MAGI1: variants seen among roughly 807,000 people sequenced by gnomAD.
MAGI1 encodes the protein membrane-associated guanylate kinase, WW and PDZ domain-containing protein 1.
A neutral mutation model predicts 139.9 loss-of-function variants in MAGI1; 58 were observed. That is an observed-to-expected ratio of 0.41 (90% CI 0.34 to 0.52). The LOEUF (loss-of-function observed/expected upper bound fraction) is 0.52, where lower values mean the gene tolerates loss of function less well. Among genes scored for constraint, MAGI1 ranks in the 20% least tolerant of loss-of-function variants. The pLI is 0.12. For synonymous variants in MAGI1, 812 were observed against 737.9 expected (o/e 1.10, Z -1.63); for missense variants, 1,874 against 1,901.6 (o/e 0.99, Z 0.27).
At chr3:65,672,649 C>T (rs1343851768) in intron 1 of MAGI1, among the ~76,000 whole-genome samples, 1 of 152,122 alleles carries the variant, frequency 6.6e-6, no homozygotes, top group African/African-American at 2.4e-5. Context: ...AGAAAATGTC[C>T]TGGATTATGA....
At chr3:65,967,516 G>T (rs1447205423) in intron 1 of MAGI1, among the ~76,000 whole-genome samples, 1 of 152,144 alleles carries the variant, frequency 6.6e-6, no homozygotes, top group Non-Finnish European at 1.5e-5. Flanking sequence ...GTTACAGGTT[G>T]CCCCAACTGG....
chr3:65,511,912 TCTC>T (rs1429658900), intron 2 of MAGI1, among the ~76,000 whole-genome samples: 2 of 112,186 alleles, frequency 1.8e-5, no homozygotes, highest in Non-Finnish European at 3.7e-5. Flanking sequence ...GAAGTAAAGC[TCTC>T]CTCAGCAAAT....
At chr3:65,653,181 C>T (rs1014162527) in intron 1 of MAGI1, among the ~76,000 whole-genome samples, 1 of 152,134 alleles carries the variant, frequency 6.6e-6, no homozygotes, top group South Asian at 2.1e-4. Flanking sequence ...CTTTGACTCC[C>T]TCCATCTTCC....
chr3:65,603,393 T>A (rs1183616822), intron 2 of MAGI1, among the ~76,000 whole-genome samples: 1 of 152,216 alleles, frequency 6.6e-6, no homozygotes, highest in African/African-American at 2.4e-5. Context: ...AAATTCACGA[T>A]GCTGCTTCCA....
intron 13 of MAGI1, among the ~76,000 whole-genome samples, chr3:65,394,585 A>G (rs1944231887): frequency 6.6e-6 from 1 of 152,156 alleles, no homozygotes. Flanking sequence ...CAATTATGAA[A>G]ACTCATTAAT....
At chr3:65,929,822 G>C (rs1576113234) in intron 1 of MAGI1, among the ~76,000 whole-genome samples, 1 of 152,130 alleles carries the variant, frequency 6.6e-6, no homozygotes, top group South Asian at 2.1e-4. Context: ...GTAAGAAGCT[G>C]AGTTACACCA....
intron 6 of MAGI1, among the ~76,000 whole-genome samples, chr3:65,448,697 T>TAC (rs10591133): frequency 2.0e-3 from 297 of 149,828 alleles, no homozygotes; most frequent in African/African-American, 6.0e-3. Context: ...AGAAAACACA[T>TAC]ACACACACAC....
At chr3:65,805,126 G>C (rs943006086) in intron 1 of MAGI1, among the ~76,000 whole-genome samples, 8 of 152,102 alleles carry the variant, frequency 5.3e-5, no homozygotes, top group African/African-American at 1.9e-4. Context: ...TACAACAAAA[G>C]AAACTATCAT....
At chr3:65,771,808 G>A (rs2037974939) in intron 1 of MAGI1, among the ~76,000 whole-genome samples, 1 of 152,230 alleles carries the variant, frequency 6.6e-6, no homozygotes, top group Admixed American at 6.5e-5. Context: ...AGCATGCTAT[G>A]AGAAGCAGGG....
At chr3:65,913,225 T>C (rs924892768) in intron 1 of MAGI1, among the ~76,000 whole-genome samples, 10 of 152,192 alleles carry the variant, frequency 6.6e-5, no homozygotes, top group South Asian at 4.2e-4. Flanking sequence ...GATTGTGCCA[T>C]TGAACTCCAG....
At chr3:65,987,186 C>A (rs1204963981) in intron 1 of MAGI1, among the ~76,000 whole-genome samples, 2 of 152,056 alleles carry the variant, frequency 1.3e-5, no homozygotes, top group Non-Finnish European at 2.9e-5. Flanking sequence ...GGATTTTAAG[C>A]CTACCTGTCA....
At chr3:65,802,170 A>G (rs1341987287) in intron 1 of MAGI1, among the ~76,000 whole-genome samples, 1 of 152,158 alleles carries the variant, frequency 6.6e-6, no homozygotes, top group African/African-American at 2.4e-5. Flanking sequence ...ATCTTCATTC[A>G]GTTAAAATTT....
intron 2 of MAGI1, among the ~76,000 whole-genome samples, chr3:65,541,691 G>A (rs1418032488): frequency 6.6e-6 from 1 of 152,090 alleles, no homozygotes; most frequent in African/African-American, 2.4e-5. Flanking sequence ...CTCAACAGCT[G>A]CAGAAAAGAC....
intron 1 of MAGI1, among the ~76,000 whole-genome samples, chr3:65,904,411 G>C (rs2061356570): frequency 6.6e-6 from 1 of 152,168 alleles, no homozygotes; most frequent in African/African-American, 2.4e-5. Context: ...CTTGGTTCCT[G>C]CTAAAACCCC....
intron 1 of MAGI1, among the ~76,000 whole-genome samples, chr3:66,008,210 T>G (rs767223078): frequency 3.9e-5 from 6 of 152,162 alleles, no homozygotes; most frequent in Non-Finnish European, 7.4e-5. Context: ...CTCCATAGAT[T>G]CTTACTATTT....
chr3:65,496,233 G>T (rs1952438302), intron 2 of MAGI1, among the ~76,000 whole-genome samples: 1 of 151,602 alleles, frequency 6.6e-6, no homozygotes, highest in Admixed American at 6.6e-5. Context: ...TACAAATGGG[G>T]GGTCTCACTA....
chr3:65,430,855 A>T lies in MAGI1; in HGVS notation c.1390T>A (p.Ser464Thr). Reference protein sequence around the residue: ...QGKPFFTRNPSELKGKFIHTK... With the variant: ...QGKPFFTRNPTELKGKFIHTK... ...TGAATGAACTTGCCTTTCAACTCAG[A>T]AGGGTTTCGTGTAAAAAAGGGTTTG... Residue 464 changes from serine (S) to threonine (T), a missense_variant, in exon 11 of 23, where the codon TCT (serine) becomes ACT (threonine). By Grantham distance (58) the Ser-to-Thr change is moderately conservative. This residue lies in a region of MAGI1 where 648 missense variants were observed against 598.1 expected (regional missense o/e 1.08). Coordinates refer to ENST00000402939, the MANE Select transcript of MAGI1 (RefSeq NM_001033057.2). 1.9e-6 allele frequency: 3 copies of T among 1,613,600 alleles called. No homozygotes were observed. The highest frequency in any genetic ancestry group is 2.5e-6 in the Non-Finnish European group (3 of 1,179,734).
intron 2 of MAGI1, among the ~76,000 whole-genome samples, chr3:65,616,002 C>G (rs7612636): frequency 0.51 from 78,189 of 151,972 alleles, 20,812 homozygotes; most frequent in African/African-American, 0.62. Flanking sequence ...AATCAAAAGC[C>G]TAAGAATTCG....
chr3:65,397,432 C>G (rs1293926089), intron 13 of MAGI1, among the ~76,000 whole-genome samples: 3 of 152,114 alleles, frequency 2.0e-5, no homozygotes, highest in African/African-American at 7.2e-5. Context: ...TATGTCTGCT[C>G]TAAAGAGGCT....
Sources: allele counts gnomAD v4.1 joint callset (sites outside exome capture counted in the v4.1 genomes callset), GRCh38; gene constraint gnomAD v4.1.1; regional missense constraint gnomAD v4.1.1; transcripts MANE v1.5; gene names NCBI Gene and HGNC (gene_info 2026-07-23, HGNC 2026-07-21).